Variants in ZFP1 observed in about 807,000 individuals in gnomAD.
ZFP1 encodes zinc finger protein 1 homolog.
Under a neutral mutation model 38.5 loss-of-function variants are expected in ZFP1, and 32 were observed. That is an observed-to-expected ratio of 0.83 (90% CI 0.63 to 1.12). The LOEUF is 1.12. Ranked by LOEUF, ZFP1 falls within the 50% of genes most tolerant of loss-of-function variation. The pLI is 0.00. For missense variants in ZFP1, 616 were observed against 480.8 expected (o/e 1.28, Z -2.63); for synonymous variants, 245 against 168.8 (o/e 1.45, Z -3.50).
chr16:75,166,722 A>G (rs373745981), intron 2 of ZFP1, 48 bp from the exon 3 acceptor site: 74 of 1,613,542 alleles, frequency 4.6e-5, no homozygotes, highest in Middle Eastern at 3.3e-4. Context: ...TATCCTTTCT[A>G]TATCACCAAA....
chr16:75,145,394 G>A (rs2036931942), upstream of ZFP1, among the ~76,000 whole-genome samples: 1 of 152,180 alleles, frequency 6.6e-6, no homozygotes, highest in African/African-American at 2.4e-5. Flanking sequence ...ATGGACAGGA[G>A]GCAGGAGGGC....
the ZFP1 span, among the ~76,000 whole-genome samples, chr16:75,134,113 A>C: frequency 1.3e-5 from 2 of 152,208 alleles, no homozygotes; most frequent in Non-Finnish European, 2.9e-5. Context: ...GGGGACAGGG[A>C]ATTGAAAGGT....
chr16:75,167,046 C>T, intron 3 of ZFP1, 150 bp downstream of exon 3: 1 of 1,383,832 alleles, frequency 7.2e-7, no homozygotes, highest in Non-Finnish European at 9.7e-7. Flanking sequence ...CTTTAAAGCT[C>T]TATCATCTCC....
At chr16:75,146,328 A>C (rs2036943951), upstream of ZFP1, among the ~76,000 whole-genome samples, 2 of 152,014 alleles carry the variant, frequency 1.3e-5, no homozygotes, top group African/African-American at 4.8e-5. Flanking sequence ...ACGCCCGGCT[A>C]ATTTTTATTT....
chr16:75,128,004 A>C, the ZFP1 span: 1 of 152,212 alleles, frequency 6.6e-6, no homozygotes, highest in Admixed American at 6.5e-5. Flanking sequence ...TGCAAAAAGA[A>C]TCTGTTTTCA....
At chr16:75,155,998 G>A (rs954190271) in intron 2 of ZFP1, among the ~76,000 whole-genome samples, 3 of 152,040 alleles carry the variant, frequency 2.0e-5, no homozygotes, top group Admixed American at 2.0e-4. Flanking sequence ...CAAGACTTAG[G>A]TTATCATTTA....
At chr16:75,120,895 G>A in the ZFP1 span, among the ~76,000 whole-genome samples, 1 of 152,080 alleles carries the variant, frequency 6.6e-6, no homozygotes, top group Non-Finnish European at 1.5e-5. Flanking sequence ...AAAGTGCTGG[G>A]ATTACAGGCA....
chr16:75,153,611 C>T (rs1168404998), intron 2 of ZFP1, among the ~76,000 whole-genome samples: 1 of 152,006 alleles, frequency 6.6e-6, no homozygotes, highest in Non-Finnish European at 1.5e-5. Context: ...TTCCCATATA[C>T]CCCCTCATTC....
intron 3 of ZFP1, among the ~76,000 whole-genome samples, chr16:75,168,957 G>A (rs1027176976): frequency 3.3e-5 from 5 of 152,044 alleles, no homozygotes; most frequent in African/African-American, 1.2e-4. Flanking sequence ...TTCTCATATT[G>A]TGTTCTGTTT....
chr16:75,122,231 C>A, the ZFP1 span, among the ~76,000 whole-genome samples: 1 of 152,190 alleles, frequency 6.6e-6, no homozygotes, highest in South Asian at 2.1e-4. Context: ...CTGTGTCGTT[C>A]CCCTATTGGA....
At chr16:75,150,546 G>C (rs2037146160) in intron 1 of ZFP1, among the ~76,000 whole-genome samples, 1 of 152,064 alleles carries the variant, frequency 6.6e-6, no homozygotes, top group Non-Finnish European at 1.5e-5. Context: ...TTGATTTATA[G>C]TTTAATTCTG....
chr16:75,123,475 A>AGGG, the ZFP1 span, among the ~76,000 whole-genome samples: 2 of 121,602 alleles, frequency 1.6e-5, 1 homozygote, highest in East Asian at 5.3e-4. Context: ...ATATATATAT[A>AGGG]TATATATATA....
At chr16:75,167,287 T>C (rs1221665933) in intron 3 of ZFP1, among the ~76,000 whole-genome samples, 8 of 152,206 alleles carry the variant, frequency 5.3e-5, no homozygotes, top group African/African-American at 1.4e-4. Flanking sequence ...TGAAATACTT[T>C]TCAGCAATCT....
At chr16:75,133,556 C>G in the ZFP1 span, among the ~76,000 whole-genome samples, 213 of 152,270 alleles carry the variant, frequency 1.4e-3, 2 homozygotes, top group Non-Finnish European at 2.5e-3. Flanking sequence ...AGGATGATGG[C>G]CTCCATCTCC....
chr16:75,157,458 G>C (rs2037527958), intron 2 of ZFP1, among the ~76,000 whole-genome samples: 1 of 151,920 alleles, frequency 6.6e-6, no homozygotes, highest in Non-Finnish European at 1.5e-5. Flanking sequence ...TGGCCAGGCT[G>C]GTCTTGAACT....
the ZFP1 span, among the ~76,000 whole-genome samples, chr16:75,133,208 C>A: frequency 6.6e-5 from 10 of 152,270 alleles, 1 homozygote; most frequent in South Asian, 6.2e-4. Flanking sequence ...AACTCCTGAC[C>A]TCCGGTGATC....
rs752502333 is a variant in ZFP1, at chr16:75,166,839, C to G, written c.85C>G (p.Gln29Glu). ...QEEWEQLDPS[Q>E]RILYMDVMLE... is the part of the protein sequence containing the mutation. ...GGAATGGGAACAACTGGACCCCTCT[C>G]AGAGGATCCTATACATGGATGTGAT... The change falls in exon 3 of 4, where the codon CAG (glutamine) becomes GAG (glutamate). Residue 29 changes from glutamine to glutamate, a missense_variant. Transcript: ENST00000570010. 2 of 1,614,172 alleles carry G rather than the reference C, an allele frequency of 1.2e-6. No individual in the cohort carries two copies. Among genetic ancestry groups the G allele is most frequent in the Non-Finnish European group, 1.7e-6 (2 of 1,180,022 alleles).
intron 1 of ZFP1, chr16:75,149,375 CT>C (rs1453219845): frequency 6.6e-6 from 1 of 152,148 alleles, no homozygotes; most frequent in Non-Finnish European, 1.5e-5. Flanking sequence ...ATTTACTGTT[CT>C]TTCCGTTTGG....
At chr16:75,119,758 C>A in the ZFP1 span, among the ~76,000 whole-genome samples, 1 of 152,110 alleles carries the variant, frequency 6.6e-6, no homozygotes, top group South Asian at 2.1e-4. Context: ...GTCTTTTTCC[C>A]ATTGGGTTTG....
Sources: allele counts gnomAD v4.1 joint callset (sites outside exome capture counted in the v4.1 genomes callset), GRCh38; gene constraint gnomAD v4.1.1; transcripts MANE v1.5; gene names NCBI Gene and HGNC (gene_info 2026-07-23, HGNC 2026-07-21).